The following SNRPN variants were observed in gnomAD, a reference collection of about 807,000 sequenced individuals.
The protein encoded by SNRPN is small nuclear ribonucleoprotein-associated protein N.
Under a neutral mutation model 25.2 loss-of-function variants are expected in SNRPN, and 7 were observed. That is an observed-to-expected ratio of 0.28 (90% CI 0.16 to 0.52). SNRPN has a LOEUF of 0.52. SNRPN is among the 20% of genes least tolerant of loss of function. The pLI is 0.96. For missense variants in SNRPN, 196 were observed against 322.5 expected, an observed-to-expected ratio of 0.61 and a Z score of 3.00; for synonymous variants, 124 against 110.6, an observed-to-expected ratio of 1.12 and a Z score of -0.76.
chr15:24,973,634 A>G (rs1466964720), intron 3 of SNRPN, among the ~76,000 whole-genome samples: 1 of 152,134 alleles, frequency 6.6e-6, no homozygotes, highest in African/African-American at 2.4e-5. Context: ...TCTTGACCTC[A>G]GGTGATCCAC....
chr15:24,972,411 T>G lies in SNRPN; in HGVS notation c.-143-1900T>G, dbSNP rs2076531343. Among the ~76,000 whole-genome samples, 3 of 152,154 alleles carry G rather than the reference T, an allele frequency of 2.0e-5. No homozygotes were observed. The South Asian group carries it at 6.2e-4, about 31-fold the overall frequency. ...ATTTAGGACAGAAACTACATTTAAT[T>G]TTTGTGGAGGTCTTTGTTTGCTTAT... On this transcript the variant is annotated intron_variant, in intron 3 of 9. Transcript: ENST00000390687.
At chr15:24,977,386 T>G (rs912226758) in intron 7 of SNRPN, among the ~76,000 whole-genome samples, 1 of 151,964 alleles carries the variant, frequency 6.6e-6, no homozygotes, top group Non-Finnish European at 1.5e-5. Flanking sequence ...ACGCCTGTAA[T>G]CCAGCACTTT....
At chr15:24,830,259 T>C (rs2141402039) in intron 2 of SNRPN, among the ~76,000 whole-genome samples, 1 of 152,214 alleles carries the variant, frequency 6.6e-6, no homozygotes, top group Admixed American at 6.5e-5. Context: ...GGCCTTTGGT[T>C]GATCATTTCT....
chr15:24,843,788 A>AACACAAACACAC (rs111397416), intron 2 of SNRPN, among the ~76,000 whole-genome samples: 6 of 139,806 alleles, frequency 4.3e-5, no homozygotes, highest in Admixed American at 1.4e-4. Context: ...CTCCATCACA[A>AACACAAACACAC]ACACACACAC....
At chr15:24,871,948 G>A (rs1304123723) in intron 1 of SNRPN, among the ~76,000 whole-genome samples, 8 of 118,548 alleles carry the variant, frequency 6.7e-5, no homozygotes, top group African/African-American at 1.4e-4. Context: ...TTCATGATTC[G>A]CCCACCTCAG....
intron 2 of SNRPN, among the ~76,000 whole-genome samples, chr15:24,837,212 ACTC>A (rs772500062): frequency 6.6e-6 from 1 of 151,784 alleles, no homozygotes; most frequent in Non-Finnish European, 1.5e-5. Context: ...AAAAGAATGA[ACTC>A]CTTGTACAGC....
chr15:24,947,392 A>C (rs1291543289), intron 3 of SNRPN, among the ~76,000 whole-genome samples: 1 of 152,170 alleles, frequency 6.6e-6, no homozygotes, highest in Non-Finnish European at 1.5e-5. Flanking sequence ...GCACTTTGGG[A>C]GGCAGAGGCA....
chr15:24,943,028 C>T (rs920034297), intron 3 of SNRPN, among the ~76,000 whole-genome samples: 13 of 145,692 alleles, frequency 8.9e-5, no homozygotes, highest in Admixed American at 2.8e-4. Flanking sequence ...ATGTCTTTAC[C>T]TTTTTTTTTT....
chr15:24,889,776 G>A (rs1032561507), intron 2 of SNRPN, among the ~76,000 whole-genome samples: 1 of 151,914 alleles, frequency 6.6e-6, no homozygotes, highest in Non-Finnish European at 1.5e-5. Flanking sequence ...CTGGCTGGGT[G>A]TGGTGGCTCA....
chr15:24,977,011 T>C lies in SNRPN; in HGVS notation c.402T>C (p.Val134=), dbSNP rs1346494021. Residue 134 remains valine (V), a synonymous_variant, in exon 7 of 10, where the codon GTT becomes GTC. Coordinates refer to ENST00000390687, the MANE Select transcript of SNRPN (RefSeq NM_003097.6). ...PAGLAGPVRG[V]GGPSQQVMTP... is the part of the protein sequence containing the mutation. ...GATTGGCAGGCCCTGTCCGAGGAGT[T>C]GGGGGACCATCCCAGCAGGTGAGGA... 1 of 1,579,738 alleles carries C rather than the reference T, an allele frequency of 6.3e-7. No homozygotes were observed. The highest frequency in any genetic ancestry group is 8.6e-7 in the Non-Finnish European group (1 of 1,165,096).
At chr15:24,949,133 T>A (rs1297364971) in intron 3 of SNRPN, among the ~76,000 whole-genome samples, 1 of 146,834 alleles carries the variant, frequency 6.8e-6, no homozygotes, top group Non-Finnish European at 1.5e-5. Flanking sequence ...GTGATCCTCC[T>A]GCCTCAGCCT....
chr15:24,977,026 G>A lies in SNRPN; in HGVS notation c.417G>A (p.Gln139=). 1.3e-6 allele frequency: 2 copies of A among 1,566,620 alleles called. No homozygotes were observed. Among genetic ancestry groups the A allele is most frequent in the Non-Finnish European group, 1.7e-6 (2 of 1,160,046 alleles). The part of the protein sequence containing the change: ...GPVRGVGGPS[Q]QVMTPQGRGT... ...TCCGAGGAGTTGGGGGACCATCCCA[G>A]CAGGTGAGGAACCAGCAGAGGGTTT... Residue 139 remains glutamine, a synonymous_variant, in exon 7 of 10, where the codon CAG becomes CAA. Transcript: ENST00000390687.
chr15:24,925,098 A>C (rs28433664), intron 3 of SNRPN, among the ~76,000 whole-genome samples: 1 of 152,170 alleles, frequency 6.6e-6, no homozygotes, highest in African/African-American at 2.4e-5. Flanking sequence ...TATTGACTTA[A>C]ATAGAATTGT....
At chr15:24,915,302 A>G (rs889254078) in intron 2 of SNRPN, among the ~76,000 whole-genome samples, 1 of 151,620 alleles carries the variant, frequency 6.6e-6, no homozygotes, top group Non-Finnish European at 1.5e-5. Flanking sequence ...TAATTTTTGT[A>G]TTTTTAGTAG....
rs2077262894 is a variant in SNRPN at position 24,978,014 on chromosome 15, A to G, written c.559+98A>G. On this transcript the variant is annotated intron_variant, in intron 8 of 9. Transcript: ENST00000390687. ...CTGAGAGCCTAAGAATTTGGGGAAT[A>G]TGCTTCCTTCTTCTAGATACTGGTT... 7.0e-6 allele frequency: 9 copies of G among 1,284,272 alleles called. No individual in the cohort carries two copies. The East Asian group carries it at 1.9e-4, about 27-fold the overall frequency. The allele number at this position is 1,284,272 out of a possible 1,614,324, so 79.6% of individuals were successfully genotyped here.
intron 2 of SNRPN, among the ~76,000 whole-genome samples, chr15:24,901,386 A>G (rs182501058): frequency 6.6e-6 from 1 of 152,284 alleles, no homozygotes; most frequent in Admixed American, 6.5e-5. Flanking sequence ...GTATTGTTTG[A>G]TCTCTATATC....
At chr15:24,849,814 TC>T (rs1483918907) in intron 2 of SNRPN, 1 of 152,196 alleles carries the variant, frequency 6.6e-6, no homozygotes, top group Non-Finnish European at 1.5e-5. Context: ...TGCAAATAGA[TC>T]TGTGTCAAAC....
intron 2 of SNRPN, chr15:24,909,172 AT>A: frequency 7.0e-7 from 1 of 1,429,752 alleles, no homozygotes; most frequent in Non-Finnish European, 9.8e-7. Context: ...TCTTGTAAGC[AT>A]TTTCATCTTC....
At chr15:24,826,907 G>A (rs1331130456) in intron 1 of SNRPN, among the ~76,000 whole-genome samples, 1 of 152,010 alleles carries the variant, frequency 6.6e-6, no homozygotes, top group Non-Finnish European at 1.5e-5. Flanking sequence ...AAACTTAGAT[G>A]GTATAGCCTA....
Sources: gnomAD v4.1 joint callset for allele counts (sites outside exome capture counted in the v4.1 genomes callset) on GRCh38, gnomAD v4.1.1 for gene constraint, MANE v1.5 for transcripts, NCBI Gene and HGNC (gene_info 2026-07-23, HGNC 2026-07-21) for gene names.